The following DGKI variants were observed in gnomAD, a reference collection of about 807,000 sequenced individuals.
DGKI encodes the protein diacylglycerol kinase iota.
Under a neutral mutation model 147.5 loss-of-function variants are expected in DGKI, and 55 were observed. That is an observed-to-expected ratio of 0.37 (90% CI 0.30 to 0.47). DGKI has a LOEUF of 0.47. Ranked by LOEUF, DGKI falls within the 20% of genes least tolerant of loss-of-function variation. The probability of loss-of-function intolerance (pLI) is 1.00; values close to 1 mark genes in which losing one functional copy is unlikely to be tolerated. For synonymous variants in DGKI, 469 were observed against 477.1 expected (o/e 0.98, Z 0.22); for missense variants, 1,007 against 1,323.8 (o/e 0.76, Z 3.71).
chr7:137,783,429 G>GA (rs1295783142), intron 1 of DGKI, among the ~76,000 whole-genome samples: 5 of 152,042 alleles, frequency 3.3e-5, no homozygotes. Context: ...CAAAGACAAA[G>GA]AAAAAAGAAT....
intron 1 of DGKI, among the ~76,000 whole-genome samples, chr7:137,810,270 T>C (rs1460444411): frequency 2.6e-5 from 4 of 152,194 alleles, no homozygotes; most frequent in South Asian, 4.1e-4. Flanking sequence ...TACCAATCAA[T>C]GGATTTCTGT....
intron 1 of DGKI, among the ~76,000 whole-genome samples, chr7:137,831,435 T>A (rs994674889): frequency 2.0e-5 from 3 of 152,202 alleles, no homozygotes; most frequent in Non-Finnish European, 2.9e-5. Context: ...AAGGAGGAAC[T>A]AGTCACAACT....
intron 6 of DGKI, among the ~76,000 whole-genome samples, chr7:137,640,606 T>C (rs1283928813): frequency 1.3e-5 from 2 of 152,176 alleles, no homozygotes; most frequent in Admixed American, 1.3e-4. Flanking sequence ...CATTTTCAGA[T>C]TAGTAGAGTA....
At chr7:137,811,623 C>G (rs183291059) in intron 1 of DGKI, among the ~76,000 whole-genome samples, 1 of 152,154 alleles carries the variant, frequency 6.6e-6, no homozygotes, top group Non-Finnish European at 1.5e-5. Flanking sequence ...GCAGCATCCC[C>G]TGATTGATCA....
At chr7:137,423,325 C>T (rs899495609) in intron 28 of DGKI, among the ~76,000 whole-genome samples, 5 of 152,176 alleles carry the variant, frequency 3.3e-5, no homozygotes, top group Non-Finnish European at 7.3e-5. Context: ...ATCAGGCAGG[C>T]ATTCTTCCTG....
chr7:137,566,875 A>G (rs530499530), intron 19 of DGKI, among the ~76,000 whole-genome samples: 15 of 112,732 alleles, frequency 1.3e-4, no homozygotes, highest in Non-Finnish European at 2.5e-4. Flanking sequence ...TAGATAAAAC[A>G]CAGTGTATTT....
chr7:137,587,335 T>A (rs1585258934), intron 12 of DGKI, 125 bp from the exon 13 acceptor site: 2 of 683,504 alleles, frequency 2.9e-6, no homozygotes, highest in African/African-American at 1.8e-5. Context: ...AAAACATGTA[T>A]GTTTTCATTC....
intron 1 of DGKI, among the ~76,000 whole-genome samples, chr7:137,835,118 A>T (rs1798332058): frequency 6.6e-6 from 1 of 152,172 alleles, no homozygotes; most frequent in Non-Finnish European, 1.5e-5. Flanking sequence ...GCAACAACAA[A>T]ATTTTGTTCT....
chr7:137,619,751 G>T, intron 8 of DGKI, 73 bp downstream of exon 8: 1 of 1,157,588 alleles, frequency 8.6e-7, no homozygotes, highest in South Asian at 1.3e-5. Flanking sequence ...AGACTAGTCT[G>T]GGGAGAAAAG....
intron 19 of DGKI, among the ~76,000 whole-genome samples, chr7:137,556,828 T>G (rs1026309307): frequency 6.6e-6 from 1 of 152,228 alleles, no homozygotes; most frequent in African/African-American, 2.4e-5. Flanking sequence ...GTTAATTTCA[T>G]GTCAACTTAC....
rs1625444 is a variant in DGKI at position 137,568,374 on chromosome 7, C to T, written c.1947+2801G>A. On this transcript the variant is annotated intron_variant, in intron 19 of 32. Transcript: ENST00000614521. Reference sequence around the variant, plus strand: ...CGCATTGCCAACTGCATGCCACAGGCTCCCTGTTGTGGACTGGCCACCCAC... The same window carrying T: ...CGCATTGCCAACTGCATGCCACAGGTTCCCTGTTGTGGACTGGCCACCCAC... Among the ~76,000 whole-genome samples the T allele has an allele frequency of 2.3e-3, 349 of 152,336 alleles. 2 individuals carry two copies. The highest frequency in any genetic ancestry group is 8.2e-3 in the African/African-American group (340 of 41,584).
At chr7:137,556,023 T>C (rs957279053) in intron 19 of DGKI, among the ~76,000 whole-genome samples, 1 of 152,178 alleles carries the variant, frequency 6.6e-6, no homozygotes, top group Non-Finnish European at 1.5e-5. Flanking sequence ...GTTAAAGTTA[T>C]TATGGTTTAT....
chr7:137,615,350 A>T (rs1015712064), intron 8 of DGKI, among the ~76,000 whole-genome samples: 13 of 151,914 alleles, frequency 8.6e-5, no homozygotes, highest in Non-Finnish European at 1.8e-4. Context: ...TATTGAGTAT[A>T]CTCTTTGTGG....
At chr7:137,752,036 C>T (rs1298388459) in intron 1 of DGKI, among the ~76,000 whole-genome samples, 1 of 152,198 alleles carries the variant, frequency 6.6e-6, no homozygotes, top group African/African-American at 2.4e-5. Flanking sequence ...TAACTACATA[C>T]AATCACTACA....
chr7:137,568,336 G>A (rs17169278), intron 19 of DGKI, among the ~76,000 whole-genome samples: 13,707 of 152,198 alleles, frequency 0.09, 752 homozygotes, highest in South Asian at 0.16. Context: ...GTAAAATTCA[G>A]TCAGTCACGT....
At position 137,386,396 on chromosome 7, in the gene DGKI, TGTG is replaced by T. The variant is rs1698523590; in HGVS notation, c.*4821_*4823del. The T allele has an allele frequency of 6.6e-6, 1 of 152,138 alleles. No individual in the cohort carries two copies. Among genetic ancestry groups the T allele is most frequent in the African/African-American group, 2.4e-5 (1 of 41,438 alleles). The allele number at this position is 152,138 out of a possible 1,614,324, so 9.4% of individuals were successfully genotyped here. On this transcript the variant is annotated 3_prime_UTR_variant, in exon 33 of 33. Transcript: ENST00000614521. ...TGAATGAGGAAGCAGCAGCCGTGAT[TGTG>T]TACCCTCATGGGACTAAGACAGATA... is the stretch of plus-strand genomic sequence containing the variant.
At chr7:137,751,561 A>C (rs1405007765) in intron 1 of DGKI, among the ~76,000 whole-genome samples, 1 of 152,256 alleles carries the variant, frequency 6.6e-6, no homozygotes, top group Non-Finnish European at 1.5e-5. Flanking sequence ...TTGAGTATAG[A>C]TAATGACTCA....
In DGKI at chr7:137,466,054, T is replaced by A. The variant is rs745436099; in HGVS notation, c.2485-19A>T. On this transcript the variant is annotated intron_variant, in intron 25 of 32. Transcript: ENST00000614521. Reference sequence around the variant, plus strand: ...AATGTTCCTAAAGAAGAACAAGAAGTCTGTTGCATGAAGAATAACAAAACA... The same window carrying A: ...AATGTTCCTAAAGAAGAACAAGAAGACTGTTGCATGAAGAATAACAAAACA... The A allele has an allele frequency of 3.7e-6, 6 of 1,612,374 alleles. No homozygotes were observed. The highest frequency in any genetic ancestry group is 1.1e-5 in the South Asian group (1 of 90,882).
intron 1 of DGKI, among the ~76,000 whole-genome samples, chr7:137,706,205 C>G (rs1231047632): frequency 6.6e-6 from 1 of 151,326 alleles, no homozygotes; most frequent in East Asian, 1.9e-4. Flanking sequence ...TTGTTTATAC[C>G]ACAATTTATC....
Sources: gnomAD v4.1 joint callset for allele counts (sites outside exome capture counted in the v4.1 genomes callset) on GRCh38, gnomAD v4.1.1 for gene constraint, MANE v1.5 for transcripts, NCBI Gene and HGNC (gene_info 2026-07-23, HGNC 2026-07-21) for gene names.